RNGTT: variants seen among roughly 807,000 people sequenced by gnomAD.
RNGTT encodes the protein RNA guanylyltransferase and 5'-phosphatase, also known as mRNA-capping enzyme.
RNGTT carries 33 observed loss-of-function variants against 79.3 expected under a neutral mutation model. The ratio of observed to expected loss-of-function variants is 0.42; its 90% CI spans 0.32 to 0.56. The LOEUF is 0.56. Ranked by LOEUF, RNGTT falls within the 20% of genes least tolerant of loss-of-function variation. The pLI is 0.17. For synonymous variants in RNGTT, 222 were observed against 235.9 expected, an observed-to-expected ratio of 0.94 and a Z score of 0.54; for missense variants, 497 against 739.1, an observed-to-expected ratio of 0.67 and a Z score of 3.80.
chr6:88,656,561 C>T (rs1168680002), intron 14 of RNGTT, among the ~76,000 whole-genome samples: 1 of 151,792 alleles, frequency 6.6e-6, no homozygotes, highest in Non-Finnish European at 1.5e-5. Flanking sequence ...ATTTGGGGTC[C>T]TTGAATGCAC....
At chr6:88,912,955 A>G (rs1336132442) in intron 4 of RNGTT, among the ~76,000 whole-genome samples, 1 of 152,132 alleles carries the variant, frequency 6.6e-6, no homozygotes, top group African/African-American at 2.4e-5. Flanking sequence ...CTATAATCCC[A>G]ACACTTTAGG....
chr6:88,808,126 C>T (rs1780020691), intron 11 of RNGTT, among the ~76,000 whole-genome samples: 1 of 151,968 alleles, frequency 6.6e-6, no homozygotes, highest in Non-Finnish European at 1.5e-5. Flanking sequence ...TAATGAAGGG[C>T]ATTGGAATGG....
At chr6:88,920,711 C>A (rs1464055101) in intron 4 of RNGTT, among the ~76,000 whole-genome samples, 1 of 152,134 alleles carries the variant, frequency 6.6e-6, no homozygotes, top group Non-Finnish European at 1.5e-5. Context: ...GCAATTTTAA[C>A]CTCTGGCATT....
chr6:88,810,777 A>C (rs930993421), intron 11 of RNGTT, among the ~76,000 whole-genome samples: 1 of 152,186 alleles, frequency 6.6e-6, no homozygotes, highest in Non-Finnish European at 1.5e-5. Context: ...AAGAAGTACT[A>C]AGCTAAGTTT....
intron 13 of RNGTT, among the ~76,000 whole-genome samples, chr6:88,767,998 A>T (rs932814904): frequency 6.6e-6 from 1 of 152,108 alleles, no homozygotes; most frequent in South Asian, 2.1e-4. Flanking sequence ...AGCTATTCCT[A>T]TAGCCTCAAA....
At position 88,937,204 on chromosome 6, in the gene RNGTT, G is replaced by T. The variant is rs183429011; in HGVS notation, c.174+3867C>A. 2.7e-3 allele frequency among the ~76,000 whole-genome samples: 415 copies of T among 152,164 alleles called. 6 individuals are homozygous for T. The highest frequency in any genetic ancestry group is 9.7e-3 in the African/African-American group (404 of 41,500). On this transcript the variant is annotated intron_variant, in intron 2 of 15. Transcript: ENST00000369485. ...ACTAAAAAATACAAAAAATTAGCCA[G>T]GCGCAGTGGCACATGCCTGTAATCC...
rs1783835405 is a variant in RNGTT, at chr6:88,911,722, C to CAAAATACAAAAT, written c.368-5283_368-5282insATTTTGTATTTT. ...AACAAATGAAAGCAGAGGTAAAATACACCAAAATCTCTGATATGCAGCAAA... is the reference window on the plus strand; with the variant it reads ...AACAAATGAAAGCAGAGGTAAAATACAAAATACAAAATACCAAAATCTCTGATATGCAGCAAA... On this transcript the variant is annotated intron_variant, in intron 4 of 15. Coordinates refer to ENST00000369485, the MANE Select transcript of RNGTT (RefSeq NM_003800.5). Among the ~76,000 whole-genome samples, 3 of 151,996 alleles carry CAAAATACAAAAT rather than the reference C, an allele frequency of 2.0e-5. No homozygotes were observed. The South Asian group carries it at 6.2e-4, about 32-fold the overall frequency.
intron 13 of RNGTT, 53 bp from the exon 14 acceptor site, chr6:88,678,472 T>C (rs577830230): frequency 5.7e-5 from 69 of 1,202,840 alleles, no homozygotes; most frequent in Non-Finnish European, 2.2e-6. Flanking sequence ...ATAAATAAGG[T>C]TGTATAATTA....
At chr6:88,949,159 G>GAAAAAAAAAAAAAAAAAAAAAAAA in intron 1 of RNGTT, among the ~76,000 whole-genome samples, 12 of 50,510 alleles carry the variant, frequency 2.4e-4, no homozygotes, top group East Asian at 3.9e-4. Flanking sequence ...AAAATAAAAT[G>GAAAAAAAAAAAAAAAAAAAAAAAA]AAAAAAAAAA....
chr6:88,738,216 T>C (rs1777348963), intron 13 of RNGTT, among the ~76,000 whole-genome samples: 1 of 152,040 alleles, frequency 6.6e-6, no homozygotes, highest in Admixed American at 6.6e-5. Flanking sequence ...AAGAGACAAA[T>C]TCTAAATGAG....
At chr6:88,757,158 G>C (rs1311098403) in intron 13 of RNGTT, among the ~76,000 whole-genome samples, 1 of 152,102 alleles carries the variant, frequency 6.6e-6, no homozygotes, top group African/African-American at 2.4e-5. Context: ...TATTTGCTAT[G>C]TCCGAAAACC....
chr6:88,851,443 G>T (rs1781669259), intron 9 of RNGTT, among the ~76,000 whole-genome samples: 1 of 151,794 alleles, frequency 6.6e-6, no homozygotes, highest in African/African-American at 2.4e-5. Flanking sequence ...TAAGCATGTA[G>T]TGTTTTATAA....
intron 13 of RNGTT, among the ~76,000 whole-genome samples, chr6:88,753,026 A>G: frequency 6.6e-6 from 1 of 152,262 alleles, no homozygotes; most frequent in South Asian, 2.1e-4. Context: ...ATAAATATAA[A>G]TAGAATTAAT....
At chr6:88,685,703 A>G (rs1775252036) in intron 13 of RNGTT, among the ~76,000 whole-genome samples, 1 of 152,072 alleles carries the variant, frequency 6.6e-6, no homozygotes, top group African/African-American at 2.4e-5. Context: ...GAAAGACTGT[A>G]TTGTTATAAT....
intron 1 of RNGTT, among the ~76,000 whole-genome samples, chr6:88,961,911 A>G (rs752059110): frequency 2.6e-5 from 4 of 152,252 alleles, no homozygotes; most frequent in Non-Finnish European, 5.9e-5. Flanking sequence ...ATGACCATCA[A>G]TAGATGAACA....
At chr6:88,784,191 G>A (rs975202084) in intron 12 of RNGTT, among the ~76,000 whole-genome samples, 1 of 152,144 alleles carries the variant, frequency 6.6e-6, no homozygotes, top group Non-Finnish European at 1.5e-5. Flanking sequence ...AAAGTACAGT[G>A]AATCTGAGCA....
chr6:88,925,182 C>T (rs532692857), intron 4 of RNGTT, among the ~76,000 whole-genome samples: 4 of 152,148 alleles, frequency 2.6e-5, no homozygotes, highest in African/African-American at 7.2e-5. Flanking sequence ...AAAGAAAAAA[C>T]CTGGCTCAAC....
At chr6:88,617,076 T>C (rs2127846368) in intron 14 of RNGTT, among the ~76,000 whole-genome samples, 1 of 152,318 alleles carries the variant, frequency 6.6e-6, no homozygotes, top group Non-Finnish European at 1.5e-5. Flanking sequence ...GAGACCATCC[T>C]GGCTAACACA....
Position 88,692,077 on chromosome 6 carries a change from T to C in RNGTT, c.1440-13658A>G, listed in dbSNP as rs185858354. Among the ~76,000 whole-genome samples the C allele has an allele frequency of 2.2e-3, 332 of 152,278 alleles. 4 individuals are homozygous for C. The highest frequency in any genetic ancestry group is 7.0e-3 in the African/African-American group (291 of 41,576). On this transcript the variant is annotated intron_variant, in intron 13 of 15. Transcript: ENST00000369485. Reference sequence around the variant, plus strand: ...TTAAAATGTACAGACTCAGCCAAGATAGAGTTACAAGACCACAAACACAAC... The same window carrying C: ...TTAAAATGTACAGACTCAGCCAAGACAGAGTTACAAGACCACAAACACAAC...
Sources: allele counts gnomAD v4.1 joint callset (sites outside exome capture counted in the v4.1 genomes callset), GRCh38; gene constraint gnomAD v4.1.1; transcripts MANE v1.5; gene names NCBI Gene and HGNC (gene_info 2026-07-23, HGNC 2026-07-21).